SOD2: variants seen among roughly 807,000 people sequenced by gnomAD.
SOD2 encodes the protein superoxide dismutase 2.
A neutral mutation model predicts 27.0 loss-of-function variants in SOD2; 11 were observed. The observed-to-expected ratio is 0.41, with a 90% confidence interval of 0.26 to 0.67. The LOEUF (loss-of-function observed/expected upper bound fraction) is 0.67. Among genes scored for constraint, SOD2 ranks in the 30% least tolerant of loss-of-function variants. The pLI is 0.34. For synonymous variants in SOD2, 105 were observed against 103.0 expected, an observed-to-expected ratio of 1.02 and a Z score of -0.12; for missense variants, 250 against 274.5, an observed-to-expected ratio of 0.91 and a Z score of 0.63.
In SOD2 at chr6:159,762,028, G is replaced by T. The variant is rs773539319; in HGVS notation, c.-1327C>A. The T allele has an allele frequency of 2.1e-5, 33 of 1,595,226 alleles. No individual in the cohort carries two copies. The South Asian group carries it at 3.7e-4, about 18-fold the overall frequency. ...CGCCCGCGGCAGGCCTGTGGGCTGC[G>T]AGGAGGAGCTTTGCCTAGCTTGCAG... is the stretch of plus-strand genomic sequence containing the variant. On this transcript the variant is annotated 5_prime_UTR_variant, in exon 1 of 8. Transcript: ENST00000546087.
chr6:159,693,443 G>C (rs1165470403), upstream of SOD2: 5 of 160,608 alleles, frequency 3.1e-5, no homozygotes, highest in Non-Finnish European at 6.8e-5. Flanking sequence ...GGGCACGGGA[G>C]AAAGGAGGCT....
chr6:159,718,023 C>T (rs539710858), intron 1 of SOD2, among the ~76,000 whole-genome samples: 4 of 151,596 alleles, frequency 2.6e-5, no homozygotes, highest in African/African-American at 9.7e-5. Context: ...AGGGTCTCTC[C>T]CCTCTGTCAC....
rs1780157625 is a variant in SOD2, at chr6:159,685,675, T to TGC, written c.344-643_344-642insGC. Among the ~76,000 whole-genome samples the TGC allele has an allele frequency of 1.2e-4, 5 of 42,008 alleles. 1 individual carries two copies. In the South Asian group the frequency reaches 4.1e-3, roughly 34 times the overall value. The allele number at this position is 42,008 out of a possible 152,430, so 27.6% of individuals were successfully genotyped here. On this transcript the variant is annotated intron_variant, in intron 3 of 4. Transcript: ENST00000538183. ...AGTATACAACAGTTTTCACCCCCCG[T>TGC]CCCCTTCTTTCTCCCTCCCTGCTCT...
chr6:159,738,498 G>A (rs1475509328), intron 1 of SOD2, among the ~76,000 whole-genome samples: 1 of 152,150 alleles, frequency 6.6e-6, no homozygotes, highest in Non-Finnish European at 1.5e-5. Context: ...AAGGACATTT[G>A]GATAGTTTTC....
At chr6:159,694,507 G>A (rs531904707), upstream of SOD2, among the ~76,000 whole-genome samples, 10 of 152,308 alleles carry the variant, frequency 6.6e-5, no homozygotes, top group South Asian at 2.1e-3. Flanking sequence ...GTTTACAGAC[G>A]TCAGAAGAAT....
rs1313842194 is a variant in SOD2 at position 159,675,569 on chromosome 6, C to T, written c.*6924G>A. On this transcript the variant is annotated 3_prime_UTR_variant, in exon 5 of 5. Transcript: ENST00000538183. ...CATGTAGAAAGCTGAAACTGGATCC[C>T]TTCCTTACACCTTATACAAAAATTA... 1 of 152,166 alleles carries T rather than the reference C, an allele frequency of 6.6e-6. No homozygotes were observed. The highest frequency in any genetic ancestry group is 1.5e-5 in the Non-Finnish European group (1 of 68,030). The allele number at this position is 152,166 out of a possible 1,614,324, so 9.4% of individuals were successfully genotyped here.
chr6:159,681,806 C>T lies in SOD2; in HGVS notation c.*687G>A, dbSNP rs1014104078. The stretch of plus-strand genomic sequence containing the variant: ...ATGGAGATTGGGTCTCAAGCATGAG[C>T]TGCCCAATTCTCCTTGCTTGGCGCC... On this transcript the variant is annotated 3_prime_UTR_variant, in exon 5 of 5. Transcript: ENST00000538183. The T allele has an allele frequency of 6.6e-6, 1 of 152,234 alleles. No individual in the cohort carries two copies. The highest frequency in any genetic ancestry group is 2.4e-5 in the African/African-American group (1 of 41,460). The allele number at this position is 152,234 out of a possible 1,614,324, so 9.4% of individuals were successfully genotyped here.
chr6:159,709,919 A>C (rs1391986670), intron 1 of SOD2, among the ~76,000 whole-genome samples: 1 of 152,136 alleles, frequency 6.6e-6, no homozygotes, highest in Non-Finnish European at 1.5e-5. Flanking sequence ...TATATACACC[A>C]TGGAATACTA....
intron 1 of SOD2, chr6:159,753,412 C>CAG: frequency 6.2e-7 from 1 of 1,613,348 alleles, no homozygotes; most frequent in East Asian, 2.2e-5. Context: ...TAAGCAAAGA[C>CAG]AGAGAGTTTT....
chr6:159,713,002 A>G (rs1305672977), intron 1 of SOD2: 12 of 635,382 alleles, frequency 1.9e-5, no homozygotes, highest in Non-Finnish European at 3.2e-5. Flanking sequence ...CAGCAAACTC[A>G]ACATCTGCCC....
At chr6:159,727,306 G>A (rs577741148) in exon 1 of SOD2, 2 of 1,281,458 alleles carry the variant, frequency 1.6e-6, no homozygotes, top group East Asian at 5.8e-5. Context: ...GCGAGTGACT[G>A]CGGCCACGCC....
chr6:159,706,422 G>C (rs1251216243), intron 1 of SOD2, among the ~76,000 whole-genome samples: 4 of 152,126 alleles, frequency 2.6e-5, no homozygotes, highest in African/African-American at 7.2e-5. Flanking sequence ...GATGGAGGAA[G>C]ATCTACCCAG....
chr6:159,707,495 A>G (rs1379598483), intron 1 of SOD2, among the ~76,000 whole-genome samples: 1 of 152,174 alleles, frequency 6.6e-6, no homozygotes, highest in Admixed American at 6.5e-5. Flanking sequence ...ACACCTCTAC[A>G]CAAATAAACT....
upstream of SOD2, chr6:159,748,504 C>G: frequency 6.8e-7 from 1 of 1,472,926 alleles, no homozygotes; most frequent in South Asian, 1.4e-5. This position sits in a 1 kb window ranked among gnomAD's most constrained non-coding sequence, Gnocchi z 5.6. Flanking sequence ...CATTCTTACA[C>G]TGTCCAGCTT....
At chr6:159,713,533 G>T (rs1777869914) in intron 1 of SOD2, 1 of 707,648 alleles carries the variant, frequency 1.4e-6, no homozygotes, top group Non-Finnish European at 2.6e-6. Flanking sequence ...CTGCACAAAG[G>T]CTTCCCCTGT....
At chr6:159,695,194 T>C (rs771445741), upstream of SOD2, among the ~76,000 whole-genome samples, 9 of 152,214 alleles carry the variant, frequency 5.9e-5, no homozygotes, top group Non-Finnish European at 1.2e-4. Context: ...GTCATTGTAA[T>C]GGAAAGACTT....
intron 4 of SOD2, among the ~76,000 whole-genome samples, chr6:159,684,405 TCAGGAGTTCAAGACCAGCCTGGC>T (rs1205437564): frequency 6.6e-6 from 1 of 151,702 alleles, no homozygotes; most frequent in Non-Finnish European, 1.5e-5. Context: ...ATACCTGAGG[TCAGGAGTTCAAGACCAGCCTGGC>T]CAACATGGTG....
At chr6:159,713,300 T>TG in intron 1 of SOD2, 1 of 664,362 alleles carries the variant, frequency 1.5e-6, no homozygotes, top group Non-Finnish European at 2.7e-6. Context: ...ATAGGGACCC[T>TG]GCCTCATCTT....
chr6:159,727,907 C>T (rs557563364), upstream of SOD2, among the ~76,000 whole-genome samples: 26 of 152,376 alleles, frequency 1.7e-4, no homozygotes, highest in South Asian at 4.1e-4. Context: ...TATCTCTGTC[C>T]TCCGTCCCCA....
Sources: gnomAD v4.1 joint callset for allele counts (sites outside exome capture counted in the v4.1 genomes callset) on GRCh38, gnomAD v4.1.1 for gene constraint, Gnocchi (gnomAD v3.1) non-coding constraint, MANE v1.5 for transcripts, NCBI Gene and HGNC (gene_info 2026-07-23, HGNC 2026-07-21) for gene names.